Variants in CARD14 observed in about 807,000 individuals in gnomAD.
CARD14 encodes the protein caspase recruitment domain-containing protein 14.
A neutral mutation model predicts 111.5 loss-of-function variants in CARD14; 107 were observed. That is an observed-to-expected ratio of 0.96 (90% CI 0.82 to 1.13). The LOEUF is 1.13. CARD14 is among the 50% of genes most tolerant of loss of function. The pLI, the probability that CARD14 is intolerant of heterozygous loss-of-function variation, is 0.00. For missense variants in CARD14, 1,322 were observed against 1,362.3 expected (o/e 0.97, Z 0.47); for synonymous variants, 617 against 579.6 (o/e 1.06, Z -0.93).
chr17:80,190,142 G>A (rs1467634670), intron 9 of CARD14, among the ~76,000 whole-genome samples: 1 of 152,178 alleles, frequency 6.6e-6, no homozygotes. Flanking sequence ...GGACTTAGGT[G>A]AGGAGGGAAC....
intron 2 of CARD14, among the ~76,000 whole-genome samples, chr17:80,176,826 T>C (rs940515969): frequency 3.3e-5 from 5 of 152,230 alleles, no homozygotes; most frequent in African/African-American, 1.2e-4. Context: ...GGAGTCAGAC[T>C]CTAGCGACGC....
At chr17:80,183,280 A>G (rs745844693) in intron 6 of CARD14, among the ~76,000 whole-genome samples, 4 of 152,188 alleles carry the variant, frequency 2.6e-5, no homozygotes, top group Non-Finnish European at 5.9e-5. Context: ...GCTTCCCTGG[A>G]GGAGCTGTTG....
chr17:80,202,501 C>T, intron 18 of CARD14, 81 bp downstream of exon 18: 1 of 1,549,380 alleles, frequency 6.5e-7, no homozygotes, highest in South Asian at 1.2e-5. Context: ...GCTTCCTCCT[C>T]CTGCCCAGCA....
intron 4 of CARD14, among the ~76,000 whole-genome samples, chr17:80,180,359 C>T (rs2040130197): frequency 6.6e-6 from 1 of 152,192 alleles, no homozygotes; most frequent in Admixed American, 6.5e-5. Flanking sequence ...GACCTGTCCA[C>T]CCTCTGTCTG....
Position 80,182,837 on chromosome 17 carries a change from C to G in CARD14, c.349+47C>G. 1 of 1,609,244 alleles carries G rather than the reference C, an allele frequency of 6.2e-7. No individual in the cohort carries two copies. Among genetic ancestry groups the G allele is most frequent in the South Asian group, 1.1e-5 (1 of 90,912 alleles). On this transcript the variant is annotated intron_variant, in intron 6 of 23. Coordinates refer to ENST00000648509, the MANE Select transcript of CARD14 (RefSeq NM_001366385.1). The surrounding 1 kb of genome is among the most constrained non-coding windows in gnomAD (Gnocchi z 4.7). ...GTTTGGCAGGCACTTCTAGGAACCT[C>G]AGGCTCCTGGTAACCCCAGGTGCCC...
chr17:80,181,707 A>C (rs1451056824), intron 5 of CARD14, 58 bp downstream of exon 5: 2 of 1,449,196 alleles, frequency 1.4e-6, no homozygotes, highest in East Asian at 5.0e-5. Flanking sequence ...ACATGGCTCC[A>C]CTGTCTGCCT....
intron 21 of CARD14, 79 bp downstream of exon 21, chr17:80,205,284 C>T (rs2041233479): frequency 7.6e-7 from 1 of 1,308,960 alleles, no homozygotes; most frequent in African/African-American, 1.4e-5. Context: ...CCTTCCTCCC[C>T]TTCCTCCCTC....
In CARD14 at chr17:80,198,481, GA is replaced by G; in HGVS notation, c.1742del (p.Glu581GlyfsTer36). 1.2e-6 allele frequency: 2 copies of G among 1,613,500 alleles called. No individual in the cohort carries two copies. The highest frequency in any genetic ancestry group is 2.2e-5 in the South Asian group (2 of 91,074). ...MLAFQGDALL[E>X]QISVIGGNLT... ...GGCGTTCCAGGGGGATGCATTGCTG[GA>G]GCAGATCAGCGTCATCGGCGGGAAC... On this transcript the variant is annotated frameshift_variant, in exon 16 of 24. Transcript: ENST00000648509. LOFTEE classifies it high-confidence loss of function. This position sits in a 1 kb window ranked among gnomAD's most constrained non-coding sequence, Gnocchi z 7.5.
In CARD14 at chr17:80,205,624, G is replaced by A. The variant is rs965855312; in HGVS notation, c.2663G>A (p.Arg888His). Residue 888 changes from arginine (R) to histidine (H), a missense_variant, in exon 22 of 24, where the codon CGC becomes CAC. By Grantham distance (29) the Arg-to-His change is conservative. Transcript: ENST00000648509. ...EVSGGRCWVT[R>H]HAVESLMEKN... Reference sequence around the variant, plus strand: ...TCCGGGGGCCGCTGCTGGGTGACCCGCCATGCTGTGGAGTCCCTCATGGAA... The same window carrying A: ...TCCGGGGGCCGCTGCTGGGTGACCCACCATGCTGTGGAGTCCCTCATGGAA... The A allele has an allele frequency of 4.5e-6, 7 of 1,565,802 alleles. No homozygotes were observed. Among genetic ancestry groups the A allele is most frequent in the East Asian group, 2.3e-5 (1 of 42,666 alleles).
In CARD14 at chr17:80,182,654, G is replaced by C; in HGVS notation, c.213G>C (p.Gly71=). The C allele has an allele frequency of 1.2e-6, 2 of 1,614,012 alleles. No homozygotes were observed. The highest frequency in any genetic ancestry group is 1.7e-6 in the Non-Finnish European group (2 of 1,179,972). Residue 71 remains glycine, a splice_region_variant and synonymous_variant, in exon 6 of 24, where the codon GGG becomes GGC. Transcript: ENST00000648509. The surrounding 1 kb of genome is among the most constrained non-coding windows in gnomAD (Gnocchi z 4.7). ...AGACAGACGGTTCTGCCTCCCAAGGGCACTTGCTGGATTTGCTGAAGACTC... is the reference window on the plus strand; with the variant it reads ...AGACAGACGGTTCTGCCTCCCAAGGCCACTTGCTGGATTTGCTGAAGACTC... ...PRLTNSAMRA[G]HLLDLLKTRG...
Position 80,183,379 on chromosome 17 carries a change from G to A in CARD14, c.350-534G>A, listed in dbSNP as rs138054003. ...ACCATTTTCCCTGTGTTCCAGCACG[G>A]TGTGTGTTTATGTTCTTTAGAGTTC... On this transcript the variant is annotated intron_variant, in intron 6 of 23. Transcript: ENST00000648509. 6.2e-3 allele frequency among the ~76,000 whole-genome samples: 951 copies of A among 152,330 alleles called. 7 individuals carry two copies. Among genetic ancestry groups the A allele is most frequent in the African/African-American group, 0.019 (793 of 41,580 alleles).
chr17:80,205,198 C>G lies in CARD14; in HGVS notation c.2562C>G (p.Cys854Trp), dbSNP rs1567903816. ...GCCTCCTCCAAGGGTTTAAGAAGTG[C>G]CTGGCAGGTATGCTGTTGCCTGGGA... ...KLCLLQGFKK[C>W]LAEYLSQEEY... is the part of the protein sequence containing the mutation. The change falls in exon 21 of 24, where the codon TGC becomes TGG. Residue 854 changes from cysteine to tryptophan, a missense_variant. Cys to Trp is a radical substitution (Grantham distance 215, BLOSUM62 -2). Transcript: ENST00000648509. 6.2e-7 allele frequency: 1 copy of G among 1,611,710 alleles called. No homozygotes were observed. The highest frequency in any genetic ancestry group is 8.5e-7 in the Non-Finnish European group (1 of 1,178,710).
At position 80,206,974 on chromosome 17, in the gene CARD14, C is replaced by T. The variant is rs749111630; in HGVS notation, c.2696C>T (p.Thr899Ile). 3.1e-6 allele frequency: 5 copies of T among 1,610,484 alleles called. No homozygotes were observed. The East Asian group carries it at 1.1e-4, about 36-fold the overall frequency. ...TCTTCTCTCCCTCCCACAAAGAACA[C>T]CCATGCCCTCCTGGACGTCCAGCTG... ...HAVESLMEKN[T>I]HALLDVQLDS... Residue 899 changes from threonine (T) to isoleucine (I), a missense_variant, in exon 23 of 24, where the codon ACC becomes ATC. By Grantham distance (89) the Thr-to-Ile change is moderately conservative. Transcript: ENST00000648509.
chr17:80,206,493 C>A (rs1315473987), intron 22 of CARD14, among the ~76,000 whole-genome samples: 1 of 152,174 alleles, frequency 6.6e-6, no homozygotes, highest in Admixed American at 6.5e-5. Context: ...GGGCCGGGTG[C>A]GGTGGCTCAC....
Position 80,190,908 on chromosome 17 carries a change from G to A in CARD14, c.1089+9G>A, listed in dbSNP as rs1567880829. On this transcript the variant is annotated intron_variant, in intron 10 of 23. Coordinates refer to ENST00000648509, the MANE Select transcript of CARD14 (RefSeq NM_001366385.1). ...AGAAGGAGCGAGACCAGGTACCTGA[G>A]AGGCCGGGCCCACCCCGCCACCCCA... is the stretch of plus-strand genomic sequence containing the variant. 1 of 1,612,306 alleles carries A rather than the reference G, an allele frequency of 6.2e-7. No individual in the cohort carries two copies.
At chr17:80,206,304 A>T (rs999215306) in intron 22 of CARD14, among the ~76,000 whole-genome samples, 12 of 152,212 alleles carry the variant, frequency 7.9e-5, no homozygotes, top group African/African-American at 2.9e-4. Flanking sequence ...TCTCTAAAAA[A>T]AATTAAAAAA....
At chr17:80,176,302 A>G (rs2040025515) in intron 2 of CARD14, among the ~76,000 whole-genome samples, 1 of 151,356 alleles carries the variant, frequency 6.6e-6, no homozygotes, top group Non-Finnish European at 1.5e-5. Flanking sequence ...TGAGCCTGGC[A>G]TGGGGGCACA....
intron 2 of CARD14, among the ~76,000 whole-genome samples, chr17:80,176,694 G>C (rs573784662): frequency 1.3e-5 from 2 of 152,150 alleles, no homozygotes; most frequent in Non-Finnish European, 2.9e-5. Flanking sequence ...TTTATTGCTC[G>C]CTATTGCTGC....
chr17:80,175,952 G>A (rs1301619669), intron 2 of CARD14, among the ~76,000 whole-genome samples: 1 of 53,472 alleles, frequency 1.9e-5, no homozygotes, highest in African/African-American at 8.3e-5. Context: ...CTCTCGGATC[G>A]TTTTTTTTTT....
Sources: gnomAD v4.1 joint callset for allele counts (sites outside exome capture counted in the v4.1 genomes callset) on GRCh38, gnomAD v4.1.1 for gene constraint, Gnocchi (gnomAD v3.1) non-coding constraint, MANE v1.5 for transcripts, NCBI Gene and HGNC (gene_info 2026-07-23, HGNC 2026-07-21) for gene names.